The following MARCHF1 variants were observed in gnomAD, a reference collection of about 807,000 sequenced individuals.
The protein encoded by MARCHF1 is E3 ubiquitin-protein ligase MARCHF1.
A neutral mutation model predicts 54.2 loss-of-function variants in MARCHF1; 40 were observed. That is an observed-to-expected ratio of 0.74 (90% CI 0.57 to 0.96). MARCHF1 has a LOEUF of 0.96. Ranked by LOEUF, MARCHF1 falls within the 40% of genes least tolerant of loss-of-function variation. The pLI, the probability that MARCHF1 is intolerant of heterozygous loss-of-function variation, is 0.00. For missense variants in MARCHF1, 586 were observed against 656.5 expected (o/e 0.89, Z 1.17); for synonymous variants, 236 against 236.3 (o/e 1.00, Z 0.01).
rs147737971 is a variant in MARCHF1 at position 164,095,039 on chromosome 4, T to A, written c.-248+16549A>T. 3.4e-3 allele frequency among the ~76,000 whole-genome samples: 518 copies of A among 152,266 alleles called. 6 individuals are homozygous for A. Among genetic ancestry groups the A allele is most frequent in the African/African-American group, 0.012 (480 of 41,556 alleles). ...CAAGTTGCCCATTATCATCACTAAT[T>A]GTTAACAATGCTTAACAATGGCCTA... On this transcript the variant is annotated intron_variant, in intron 2 of 9. Transcript: ENST00000514618.
intron 1 of MARCHF1, among the ~76,000 whole-genome samples, chr4:164,313,867 A>T (rs1174626968): frequency 6.6e-6 from 1 of 152,116 alleles, no homozygotes; most frequent in African/African-American, 2.4e-5. Context: ...TCTCATAAAT[A>T]GTTCTCAAAT....
At chr4:163,746,830 T>C (rs1268047821) in intron 4 of MARCHF1, among the ~76,000 whole-genome samples, 2 of 152,226 alleles carry the variant, frequency 1.3e-5, no homozygotes, top group Non-Finnish European at 2.9e-5. Flanking sequence ...CTTCACCTCA[T>C]GAGCCATCAT....
At chr4:164,050,484 C>T (rs922346288) in intron 2 of MARCHF1, among the ~76,000 whole-genome samples, 1 of 151,970 alleles carries the variant, frequency 6.6e-6, no homozygotes, top group Non-Finnish European at 1.5e-5. Flanking sequence ...ATCTATGCTT[C>T]CTTCCATTGC....
intron 5 of MARCHF1, among the ~76,000 whole-genome samples, chr4:163,642,216 A>G (rs1165884891): frequency 1.3e-5 from 2 of 152,202 alleles, no homozygotes; most frequent in Non-Finnish European, 2.9e-5. Flanking sequence ...CTTTCTCTGG[A>G]AGGTAATTTA....
intron 8 of MARCHF1, among the ~76,000 whole-genome samples, chr4:163,575,907 C>CTGA (rs1190965767): frequency 6.6e-6 from 1 of 151,856 alleles, no homozygotes; most frequent in Non-Finnish European, 1.5e-5. Context: ...TTTGTTGTTT[C>CTGA]TGATTGTGCT....
In MARCHF1 at chr4:163,742,644, ATTT is replaced by A. The variant is rs1241382518; in HGVS notation, c.112-41784_112-41782del. ...GGTGCACACCACCATGCCTGCCTAAATTTTTTTATTTTTTGTAGAGACAGGGTC... is the reference window on the plus strand; with the variant it reads ...GGTGCACACCACCATGCCTGCCTAAATTTTATTTTTTGTAGAGACAGGGTC... On this transcript the variant is annotated intron_variant, in intron 4 of 9. Coordinates refer to ENST00000514618, the MANE Select transcript of MARCHF1 (RefSeq NM_001394959.1). Among the ~76,000 whole-genome samples, 7 of 130,168 alleles carry A rather than the reference ATTT, an allele frequency of 5.4e-5. No homozygotes were observed. In the East Asian group the frequency reaches 1.4e-3, roughly 25 times the overall value. The allele number at this position is 130,168 out of a possible 152,430, so 85.4% of individuals were successfully genotyped here. A position where few individuals can be genotyped will look rare whatever the true frequency, so the allele number is the denominator to read the frequency against.
intron 3 of MARCHF1, among the ~76,000 whole-genome samples, chr4:163,857,932 T>C (rs1008253206): frequency 1.3e-5 from 2 of 152,120 alleles, no homozygotes; most frequent in African/African-American, 2.4e-5. Flanking sequence ...CTGAGCACTA[T>C]GAAAATGTTG....
intron 1 of MARCHF1, among the ~76,000 whole-genome samples, chr4:164,292,280 A>G (rs1734301207): frequency 6.6e-6 from 1 of 152,156 alleles, no homozygotes; most frequent in Non-Finnish European, 1.5e-5. Flanking sequence ...TCTCATAATT[A>G]AAGTCTAACT....
chr4:164,209,768 G>T (rs1579625565), intron 1 of MARCHF1, among the ~76,000 whole-genome samples: 1 of 151,994 alleles, frequency 6.6e-6, no homozygotes, highest in Non-Finnish European at 1.5e-5. Context: ...ACATGCATTT[G>T]TATAATTGGA....
At chr4:164,082,193 C>G (rs1755115993) in intron 2 of MARCHF1, among the ~76,000 whole-genome samples, 1 of 152,166 alleles carries the variant, frequency 6.6e-6, no homozygotes, top group Non-Finnish European at 1.5e-5. Context: ...GTTTGTTTTT[C>G]TCCAGTGAAG....
At chr4:163,913,258 G>T (rs1395260109) in intron 3 of MARCHF1, among the ~76,000 whole-genome samples, 1 of 152,144 alleles carries the variant, frequency 6.6e-6, no homozygotes, top group Non-Finnish European at 1.5e-5. Context: ...ACACTGGTCT[G>T]GGGTCTTGAT....
chr4:164,190,348 C>T (rs1731092147), intron 1 of MARCHF1: 1 of 629,582 alleles, frequency 1.6e-6, no homozygotes, highest in African/African-American at 1.8e-5. Context: ...CACAGATCTG[C>T]TACTGCTGTA....
chr4:163,642,630 T>A (rs925997123), intron 5 of MARCHF1, among the ~76,000 whole-genome samples: 1 of 152,122 alleles, frequency 6.6e-6, no homozygotes, highest in Non-Finnish European at 1.5e-5. Flanking sequence ...TTTTGTGTGT[T>A]CTAAAATGAA....
At chr4:163,733,348 C>A (rs1179221459) in intron 4 of MARCHF1, among the ~76,000 whole-genome samples, 2 of 133,650 alleles carry the variant, frequency 1.5e-5, no homozygotes, top group African/African-American at 2.8e-5. Flanking sequence ...GAAAATAATG[C>A]GAGATGGAAA....
intron 3 of MARCHF1, among the ~76,000 whole-genome samples, chr4:163,968,239 CTAA>C: frequency 2.7e-5 from 1 of 36,448 alleles, no homozygotes; most frequent in Non-Finnish European, 1.0e-4. Flanking sequence ...ATTTGCTATA[CTAA>C]AGTACCCAGG....
intron 1 of MARCHF1, among the ~76,000 whole-genome samples, chr4:164,231,172 A>G (rs112095581): frequency 1.2e-3 from 190 of 152,252 alleles, no homozygotes; most frequent in African/African-American, 4.3e-3. Flanking sequence ...TGTTGTTTTG[A>G]TGAAGAAAGA....
intron 1 of MARCHF1, chr4:164,188,846 G>A (rs1005201197): frequency 3.7e-5 from 29 of 784,344 alleles, no homozygotes; most frequent in East Asian, 1.2e-4. Flanking sequence ...GCAATAAACC[G>A]CTGAGGCTTA....
intron 4 of MARCHF1, among the ~76,000 whole-genome samples, chr4:163,814,906 T>C (rs535823877): frequency 1.3e-5 from 2 of 152,308 alleles, no homozygotes; most frequent in East Asian, 3.9e-4. Flanking sequence ...TACCTCTTTT[T>C]AGAATATCAT....
chr4:163,720,963 G>A (rs1464028372), intron 4 of MARCHF1, among the ~76,000 whole-genome samples: 1 of 152,166 alleles, frequency 6.6e-6, no homozygotes, highest in Admixed American at 6.5e-5. Flanking sequence ...ATACAATCAT[G>A]TCATCTGCAG....
Sources: allele counts gnomAD v4.1 joint callset (sites outside exome capture counted in the v4.1 genomes callset), GRCh38; gene constraint gnomAD v4.1.1; transcripts MANE v1.5; gene names NCBI Gene and HGNC (gene_info 2026-07-23, HGNC 2026-07-21).